Variants in RABGAP1L observed in about 807,000 individuals in gnomAD.
The protein encoded by RABGAP1L is rab GTPase-activating protein 1-like.
Under a neutral mutation model 137.7 loss-of-function variants are expected in RABGAP1L, and 63 were observed. The observed-to-expected ratio is 0.46, with a 90% CI of 0.37 to 0.56. RABGAP1L has a LOEUF of 0.56. Among genes scored for constraint, RABGAP1L ranks in the 20% least tolerant of loss-of-function variants. The pLI, the probability that RABGAP1L is intolerant of heterozygous loss-of-function variation, is 0.00. For missense variants in RABGAP1L, 1,095 were observed against 1,244.0 expected (o/e 0.88, Z 1.80); for synonymous variants, 431 against 433.7 (o/e 0.99, Z 0.08).
Position 174,232,760 on chromosome 1 carries a change from C to CAA in RABGAP1L, c.542+1419_542+1420dup, listed in dbSNP as rs374392523. Among the ~76,000 whole-genome samples, 46 of 121,918 alleles carry CAA rather than the reference C, an allele frequency of 3.8e-4. No individual in the cohort carries two copies. The East Asian group carries it at 5.2e-3, about 14-fold the overall frequency. 80.0% of individuals were successfully genotyped at this position (121,918 alleles called of 152,430 possible). On this transcript the variant is annotated intron_variant, in intron 4 of 25. Coordinates refer to ENST00000681986, the MANE Select transcript of RABGAP1L (RefSeq NM_001366446.1). ...TGGGCGACAGAGCAAGACGCCATCT[C>CAA]AAAAAAAAAAAAAAATAAGTCAGAT...
At chr1:174,315,576 C>G (rs765256071) in intron 11 of RABGAP1L, among the ~76,000 whole-genome samples, 1 of 146,626 alleles carries the variant, frequency 6.8e-6, no homozygotes, top group African/African-American at 2.5e-5. Flanking sequence ...TCCTGTCTTT[C>G]TATAGTGAAG....
At chr1:174,283,054 C>T (rs920564895) in intron 10 of RABGAP1L, among the ~76,000 whole-genome samples, 5 of 152,122 alleles carry the variant, frequency 3.3e-5, no homozygotes, top group East Asian at 3.9e-4. Flanking sequence ...TTATTTGTTG[C>T]GAGTTCTTTG....
intron 19 of RABGAP1L, among the ~76,000 whole-genome samples, chr1:174,850,647 AG>A (rs1648147115): frequency 6.6e-6 from 1 of 152,224 alleles, no homozygotes; most frequent in Non-Finnish European, 1.5e-5. Context: ...CCTTCCCCAA[AG>A]ATGTCCCACC....
chr1:174,569,469 A>G (rs1289678057), intron 13 of RABGAP1L, among the ~76,000 whole-genome samples: 2 of 152,190 alleles, frequency 1.3e-5, no homozygotes, highest in Non-Finnish European at 2.9e-5. Context: ...GAGCATCCAC[A>G]CCAATCCTGT....
intron 18 of RABGAP1L, among the ~76,000 whole-genome samples, chr1:174,775,886 A>G (rs1296535618): frequency 6.6e-6 from 1 of 152,228 alleles, no homozygotes; most frequent in African/African-American, 2.4e-5. Flanking sequence ...TAGGAAAAAT[A>G]TAACTGCAAT....
chr1:174,847,364 AC>A (rs1694182162), intron 19 of RABGAP1L, among the ~76,000 whole-genome samples: 1 of 151,526 alleles, frequency 6.6e-6, no homozygotes, highest in South Asian at 2.1e-4. Flanking sequence ...AGCGGCTGGT[AC>A]CGGTTGTTCC....
At chr1:174,683,729 C>A in intron 15 of RABGAP1L, 133 bp downstream of exon 15, 1 of 583,660 alleles carries the variant, frequency 1.7e-6, no homozygotes, top group Non-Finnish European at 2.9e-6. Context: ...TTAAAATGTA[C>A]GTTAGGTGAT....
chr1:174,632,513 A>G (rs528993438), intron 13 of RABGAP1L, among the ~76,000 whole-genome samples: 2 of 150,696 alleles, frequency 1.3e-5, no homozygotes, highest in East Asian at 1.9e-4. Context: ...CATTCTCTGC[A>G]TCACTTTGAG....
chr1:174,258,249 C>T (rs1287779810), intron 7 of RABGAP1L, among the ~76,000 whole-genome samples: 4 of 152,094 alleles, frequency 2.6e-5, no homozygotes, highest in Admixed American at 2.6e-4. Context: ...TAAGGTAGTC[C>T]AGCAGGTGGC....
At chr1:174,687,142 G>A (rs965549596) in intron 15 of RABGAP1L, among the ~76,000 whole-genome samples, 3 of 151,854 alleles carry the variant, frequency 2.0e-5, no homozygotes, top group Admixed American at 6.6e-5. Flanking sequence ...TCCCCACCCC[G>A]TCCGCAAAGA....
Position 174,294,725 on chromosome 1 carries a change from G to A in RABGAP1L, c.1324-10261G>A, listed in dbSNP as rs975128765. On this transcript the variant is annotated intron_variant, in intron 10 of 25. Transcript: ENST00000681986. ...CAGTGGCAGTGAGGATGGTGGAAAA[G>A]ACAAATTTGAGAGATGTTAGGGAAG... Among the ~76,000 whole-genome samples the A allele has an allele frequency of 6.8e-4, 103 of 152,236 alleles. 1 individual carries two copies. Among genetic ancestry groups the A allele is most frequent in the African/African-American group, 2.3e-3 (94 of 41,538 alleles).
chr1:174,925,785 TAAA>T (rs1662685079), intron 19 of RABGAP1L, among the ~76,000 whole-genome samples: 1 of 149,738 alleles, frequency 6.7e-6, no homozygotes, highest in South Asian at 2.1e-4. Context: ...TTTGTGCAAT[TAAA>T]AAAATATAAT....
chr1:174,203,346 A>T (rs945939987), intron 1 of RABGAP1L, among the ~76,000 whole-genome samples: 2 of 152,156 alleles, frequency 1.3e-5, no homozygotes, highest in Non-Finnish European at 2.9e-5. Flanking sequence ...CAGTTATCTC[A>T]TCACCATTTA....
intron 10 of RABGAP1L, among the ~76,000 whole-genome samples, chr1:174,296,711 T>A (rs926984758): frequency 3.9e-5 from 6 of 152,242 alleles, no homozygotes; most frequent in African/African-American, 1.4e-4. Flanking sequence ...GTTTTTTTAA[T>A]GAGTTTTTAA....
At chr1:174,740,650 C>G (rs1185447606) in intron 17 of RABGAP1L, among the ~76,000 whole-genome samples, 1 of 152,110 alleles carries the variant, frequency 6.6e-6, no homozygotes, top group Non-Finnish European at 1.5e-5. Flanking sequence ...TTTGAGAAAT[C>G]TCCATACTGT....
chr1:174,659,809 G>A (rs61826950), intron 14 of RABGAP1L, among the ~76,000 whole-genome samples: 13,656 of 152,142 alleles, frequency 0.09, 818 homozygotes, highest in East Asian at 0.22. Flanking sequence ...CTGCTCACCC[G>A]TAGTTTTTTT....
chr1:174,455,801 T>A (rs1304915684), intron 13 of RABGAP1L, among the ~76,000 whole-genome samples: 1 of 152,120 alleles, frequency 6.6e-6, no homozygotes, highest in East Asian at 1.9e-4. Context: ...TATATAATGC[T>A]CTTGACATTA....
At chr1:174,508,426 T>G (rs1662030315) in intron 13 of RABGAP1L, among the ~76,000 whole-genome samples, 2 of 152,196 alleles carry the variant, frequency 1.3e-5, no homozygotes, top group Admixed American at 1.3e-4. Flanking sequence ...AATGTCAGGA[T>G]TATTTTCTTA....
At chr1:174,361,406 A>G (rs756407929) in intron 11 of RABGAP1L, among the ~76,000 whole-genome samples, 13 of 152,074 alleles carry the variant, frequency 8.5e-5, no homozygotes, top group African/African-American at 1.9e-4. Context: ...GATTCTTCCA[A>G]TCCATGAACA....
Sources: allele counts gnomAD v4.1 joint callset (sites outside exome capture counted in the v4.1 genomes callset), GRCh38; gene constraint gnomAD v4.1.1; transcripts MANE v1.5; gene names NCBI Gene and HGNC (gene_info 2026-07-23, HGNC 2026-07-21).